The following TRIM5 variants were observed in gnomAD, a reference collection of about 807,000 sequenced individuals.
TRIM5 encodes the protein tripartite motif-containing protein 5.
TRIM5 carries 31 observed loss-of-function variants against 35.6 expected under a neutral mutation model. The observed-to-expected ratio is 0.87, with a 90% CI of 0.65 to 1.18. TRIM5 has a LOEUF of 1.18. Ranked by LOEUF, TRIM5 falls within the 50% of genes most tolerant of loss-of-function variation. TRIM5 has a pLI of 0.00. For synonymous variants in TRIM5, 243 were observed against 215.6 expected (o/e 1.13, Z -1.11); for missense variants, 609 against 591.6 (o/e 1.03, Z -0.31).
chr11:5,596,668 C>T, the TRIM5 span: 8 of 604,444 alleles, frequency 1.3e-5, no homozygotes, highest in Non-Finnish European at 2.0e-5. Flanking sequence ...CTTCCGCAAA[C>T]TCCTGACCTG....
intron 4 of TRIM5, among the ~76,000 whole-genome samples, chr11:5,669,510 A>AT (rs542634203): frequency 2.1e-4 from 32 of 150,786 alleles, no homozygotes; most frequent in Non-Finnish European, 4.3e-4. Context: ...TTCCACATAG[A>AT]TTTTTTTTCA....
At chr11:5,596,529 T>TCCCCTC in the TRIM5 span, 1 of 5,504 alleles carries the variant, frequency 1.8e-4, no homozygotes, top group Non-Finnish European at 4.0e-4. Flanking sequence ...CTTCCCCCCT[T>TCCCCTC]CCCCCTTCCC....
intron 5 of TRIM5, chr11:5,666,283 C>T (rs529372813): frequency 1.4e-5 from 9 of 657,062 alleles, no homozygotes; most frequent in South Asian, 3.2e-5. Flanking sequence ...TCTGTGAGAA[C>T]GTGGGAAGAT....
the TRIM5 span, among the ~76,000 whole-genome samples, chr11:5,650,846 A>G: frequency 1.3e-5 from 2 of 152,360 alleles, no homozygotes; most frequent in African/African-American, 4.8e-5. Flanking sequence ...TGAAAAAGAT[A>G]GTAGGTATCT....
the TRIM5 span, among the ~76,000 whole-genome samples, chr11:5,634,122 G>C: frequency 1.6e-4 from 24 of 152,262 alleles, no homozygotes; most frequent in African/African-American, 2.9e-4. Context: ...TCTATGATGA[G>C]GAAGGCTAGC....
At chr11:5,624,289 G>A in the TRIM5 span, among the ~76,000 whole-genome samples, 1 of 152,144 alleles carries the variant, frequency 6.6e-6, no homozygotes, top group East Asian at 1.9e-4. Context: ...CATTTACTGT[G>A]CACAGTTTGA....
At chr11:5,624,548 AG>A in the TRIM5 span, among the ~76,000 whole-genome samples, 1 of 152,198 alleles carries the variant, frequency 6.6e-6, no homozygotes, top group African/African-American at 2.4e-5. Flanking sequence ...TGGTAGGAGA[AG>A]GGGAGTTGGG....
intron 4 of TRIM5, among the ~76,000 whole-genome samples, chr11:5,676,677 G>A (rs1852006420): frequency 1.3e-5 from 2 of 149,640 alleles, no homozygotes. Flanking sequence ...AAAGCTGGAG[G>A]CATCACACTA....
chr11:5,607,199 A>G, the TRIM5 span, among the ~76,000 whole-genome samples: 5 of 151,526 alleles, frequency 3.3e-5, no homozygotes, highest in Admixed American at 3.3e-4. Context: ...GCAAGACTCC[A>G]TCTCAAAAAA....
chr11:5,593,738 T>C, the TRIM5 span, among the ~76,000 whole-genome samples: 1 of 152,216 alleles, frequency 6.6e-6, no homozygotes, highest in African/African-American at 2.4e-5. Context: ...ACAGGCTGGC[T>C]CTGTTGATAC....
the TRIM5 span, among the ~76,000 whole-genome samples, chr11:5,638,762 A>C: frequency 3.5e-3 from 535 of 152,304 alleles, 3 homozygotes; most frequent in African/African-American, 0.012. Flanking sequence ...GGAATGTAGT[A>C]TTGTACCTGT....
the TRIM5 span, among the ~76,000 whole-genome samples, chr11:5,613,778 G>T: frequency 1.1e-4 from 16 of 152,140 alleles, no homozygotes; most frequent in Admixed American, 9.8e-4. Context: ...TAGGGATGTG[G>T]TATAGTTATC....
the TRIM5 span, among the ~76,000 whole-genome samples, chr11:5,657,309 G>A: frequency 2.0e-5 from 3 of 151,486 alleles, no homozygotes; most frequent in East Asian, 1.9e-4. Flanking sequence ...CAGGGCCTTC[G>A]ATGGGTGGGG....
chr11:5,678,653 G>C (rs1329362132), intron 3 of TRIM5, among the ~76,000 whole-genome samples: 6 of 152,162 alleles, frequency 3.9e-5, no homozygotes, highest in African/African-American at 9.7e-5. Context: ...GCATCAAAAT[G>C]GGTTACCTGG....
the TRIM5 span, among the ~76,000 whole-genome samples, chr11:5,630,246 G>T: frequency 6.6e-6 from 1 of 152,138 alleles, no homozygotes; most frequent in African/African-American, 2.4e-5. Context: ...TGGTGATGGC[G>T]ATGTGTTTTT....
the TRIM5 span, chr11:5,588,795 C>G: frequency 8.3e-6 from 1 of 120,766 alleles, no homozygotes; most frequent in East Asian, 2.5e-4. Flanking sequence ...TTTTTTTTTT[C>G]TTTTTTGAGA....
At chr11:5,634,530 C>CACACACACACACACACACACACATAT in the TRIM5 span, 13 of 203,910 alleles carry the variant, frequency 6.4e-5, no homozygotes, top group African/African-American at 4.5e-4. Flanking sequence ...CACACACACA[C>CACACACACACACACACACACACATAT]ATATATATAT....
the TRIM5 span, among the ~76,000 whole-genome samples, chr11:5,640,566 T>C: frequency 6.6e-6 from 1 of 152,164 alleles, no homozygotes; most frequent in African/African-American, 2.4e-5. Flanking sequence ...ATTTTGTATT[T>C]ATATTTATAA....
chr11:5,670,156 G>A (rs181697123), intron 4 of TRIM5, among the ~76,000 whole-genome samples: 17 of 149,476 alleles, frequency 1.1e-4, no homozygotes, highest in Admixed American at 3.3e-4. Flanking sequence ...GTCTGTGTTG[G>A]ATCAGATGCC....
Sources: gnomAD v4.1 joint callset for allele counts (sites outside exome capture counted in the v4.1 genomes callset) on GRCh38, gnomAD v4.1.1 for gene constraint, MANE v1.5 for transcripts, NCBI Gene and HGNC (gene_info 2026-07-23, HGNC 2026-07-21) for gene names.